Variants in NEDD4L observed in about 807,000 individuals in gnomAD.
NEDD4L encodes the protein E3 ubiquitin-protein ligase NEDD4-like.
Under a neutral mutation model 148.9 loss-of-function variants are expected in NEDD4L, and 54 were observed. The ratio of observed to expected loss-of-function variants is 0.36; its 90% CI spans 0.29 to 0.45. The LOEUF is 0.45. NEDD4L is among the 20% of genes least tolerant of loss of function. The pLI, the probability that NEDD4L is intolerant of heterozygous loss-of-function variation, is 1.00. For missense variants in NEDD4L, 856 were observed against 1,233.8 expected, an observed-to-expected ratio of 0.69 and a Z score of 4.59; for synonymous variants, 433 against 440.7, an observed-to-expected ratio of 0.98 and a Z score of 0.22.
At chr18:58,211,553 T>C (rs779627478) in intron 2 of NEDD4L, among the ~76,000 whole-genome samples, 16 of 152,232 alleles carry the variant, frequency 1.1e-4, no homozygotes, top group Non-Finnish European at 2.4e-4. Context: ...ATTACAAAAT[T>C]AATAAGTAAA....
intron 2 of NEDD4L, among the ~76,000 whole-genome samples, chr18:58,229,806 A>G (rs571696891): frequency 1.4e-4 from 22 of 152,170 alleles, no homozygotes; most frequent in African/African-American, 5.1e-4. Context: ...CCTGGCCAAT[A>G]TGGTGAAACC....
chr18:58,147,089 T>C (rs1234442633), intron 1 of NEDD4L, among the ~76,000 whole-genome samples: 3 of 152,296 alleles, frequency 2.0e-5, no homozygotes, highest in South Asian at 4.1e-4. Context: ...GGATTACAAA[T>C]AGAATATGTA....
intron 6 of NEDD4L, among the ~76,000 whole-genome samples, chr18:58,317,050 G>A (rs969840735): frequency 8.5e-5 from 13 of 152,252 alleles, no homozygotes; most frequent in African/African-American, 2.9e-4. Flanking sequence ...AGTAAGCTTT[G>A]AAGATGTGTT....
chr18:58,286,855 T>C (rs1222550697), intron 5 of NEDD4L, among the ~76,000 whole-genome samples: 1 of 152,246 alleles, frequency 6.6e-6, no homozygotes, highest in Non-Finnish European at 1.5e-5. Flanking sequence ...CTTATGTGCA[T>C]AAACTGCATT....
At chr18:58,323,093 C>G in intron 7 of NEDD4L, 139 bp from the exon 8 acceptor site, 1 of 506,914 alleles carries the variant, frequency 2.0e-6, no homozygotes, top group Non-Finnish European at 3.5e-6. Flanking sequence ...GTGGGGATGC[C>G]TGCCCTGTGT....
chr18:58,149,264 T>C, intron 1 of NEDD4L: 1 of 577,110 alleles, frequency 1.7e-6, no homozygotes, highest in South Asian at 3.8e-5. Context: ...TGGGAGAGGC[T>C]GGACCTTGGT....
chr18:58,296,330 G>A (rs1338582448), intron 5 of NEDD4L, among the ~76,000 whole-genome samples: 2 of 152,192 alleles, frequency 1.3e-5, no homozygotes, highest in Non-Finnish European at 2.9e-5. Context: ...TTGGAGCAAA[G>A]CCTGACCGGT....
intron 2 of NEDD4L, among the ~76,000 whole-genome samples, chr18:58,174,444 A>G (rs1269387299): frequency 6.6e-6 from 1 of 152,046 alleles, no homozygotes; most frequent in Non-Finnish European, 1.5e-5. Context: ...GTGGGGTTTC[A>G]CCGGGGACCC....
intron 1 of NEDD4L, among the ~76,000 whole-genome samples, chr18:58,160,393 A>T (rs1345621392): frequency 1.3e-5 from 2 of 152,262 alleles, no homozygotes; most frequent in African/African-American, 4.8e-5. Context: ...AGAAAAACAT[A>T]TGTAAAGCTT....
intron 2 of NEDD4L, among the ~76,000 whole-genome samples, chr18:58,203,913 C>A (rs1375280101): frequency 1.3e-5 from 2 of 152,140 alleles, no homozygotes; most frequent in African/African-American, 4.8e-5. Context: ...AATCTTATCA[C>A]CCTGGTTTTA....
intron 1 of NEDD4L, among the ~76,000 whole-genome samples, chr18:58,080,475 T>C (rs2083373967): frequency 6.6e-6 from 1 of 152,176 alleles, no homozygotes; most frequent in Non-Finnish European, 1.5e-5. Flanking sequence ...GACTTTCTGG[T>C]CTGGAAAGGT....
Position 58,256,499 on chromosome 18 carries a change from C to G in NEDD4L, c.297+4445C>G. ...TCGGCTGGAGAGGAGCACCTCGTAC[C>G]CCACGCAGCCCCGAAGCGAGCGAGG... On this transcript the variant is annotated intron_variant, in intron 5 of 30. Transcript: ENST00000400345. This position sits in a 1 kb window ranked among gnomAD's most constrained non-coding sequence, Gnocchi z 5.2. 8.1e-7 allele frequency: 1 copy of G among 1,232,240 alleles called. No individual in the cohort carries two copies. The highest frequency in any genetic ancestry group is 1.0e-6 in the Non-Finnish European group (1 of 988,038). The allele number at this position is 1,232,240 out of a possible 1,614,324, so 76.3% of individuals were successfully genotyped here.
chr18:58,090,438 C>T (rs760427042), intron 1 of NEDD4L, among the ~76,000 whole-genome samples: 16 of 152,260 alleles, frequency 1.1e-4, no homozygotes, highest in African/African-American at 2.6e-4. Context: ...CCGTTTTCTC[C>T]GGTGTATTAC....
intron 2 of NEDD4L, among the ~76,000 whole-genome samples, chr18:58,206,061 A>C (rs1356111404): frequency 2.6e-5 from 4 of 152,214 alleles, no homozygotes; most frequent in African/African-American, 9.6e-5. Context: ...GAGGAATGAA[A>C]GATGCTCCCC....
chr18:58,190,723 A>G (rs1401173935), intron 2 of NEDD4L, among the ~76,000 whole-genome samples: 1 of 152,160 alleles, frequency 6.6e-6, no homozygotes, highest in East Asian at 1.9e-4. Context: ...TTAGATTTAG[A>G]TATTAAAGTT....
chr18:58,149,377 G>A (rs4149599), intron 1 of NEDD4L: 1 of 1,440,182 alleles, frequency 6.9e-7, no homozygotes, highest in Non-Finnish European at 9.2e-7. Context: ...TTTCCTGGGA[G>A]TCAAGTTAAA....
chr18:58,045,444 T>G (rs78313054), intron 1 of NEDD4L: 3 of 274,912 alleles, frequency 1.1e-5, no homozygotes, highest in Admixed American at 1.1e-4. Flanking sequence ...TTGATCTCTT[T>G]TATTAATAAA....
chr18:58,369,913 C>T (rs1195962143), intron 22 of NEDD4L, among the ~76,000 whole-genome samples: 1 of 152,212 alleles, frequency 6.6e-6, no homozygotes, highest in African/African-American at 2.4e-5. Context: ...GCAATGATAA[C>T]AGAAGACAGA....
At chr18:58,272,103 T>C (rs1600518201) in intron 5 of NEDD4L, among the ~76,000 whole-genome samples, 2 of 152,256 alleles carry the variant, frequency 1.3e-5, no homozygotes, top group African/African-American at 4.8e-5. Context: ...TAGACTTTCC[T>C]TATACTTTTA....
Sources: allele counts gnomAD v4.1 joint callset (sites outside exome capture counted in the v4.1 genomes callset), GRCh38; gene constraint gnomAD v4.1.1; non-coding constraint Gnocchi (gnomAD v3.1); transcripts MANE v1.5; gene names NCBI Gene and HGNC (gene_info 2026-07-23, HGNC 2026-07-21).